PSMD14: variants seen among roughly 807,000 people sequenced by gnomAD.
PSMD14 encodes proteasome 26S subunit, non-ATPase 14.
A neutral mutation model predicts 41.2 loss-of-function variants in PSMD14; 7 were observed. The ratio of observed to expected loss-of-function variants is 0.17; its 90% confidence interval spans 0.10 to 0.32. The LOEUF (loss-of-function observed/expected upper bound fraction) is 0.32, where lower values mean the gene tolerates loss of function less well. Among genes scored for constraint, PSMD14 ranks in the 10% least tolerant of loss-of-function variants. PSMD14 has a pLI of 1.00. For missense variants in PSMD14, 139 were observed against 375.6 expected (o/e 0.37, Z 5.21); for synonymous variants, 114 against 122.3 (o/e 0.93, Z 0.45).
chr2:161,349,472 A>G (rs1051563437), intron 3 of PSMD14, among the ~76,000 whole-genome samples: 1 of 152,194 alleles, frequency 6.6e-6, no homozygotes, highest in African/African-American at 2.4e-5. Flanking sequence ...TTTATTGAGC[A>G]TCTTTTTTGT....
In PSMD14 at chr2:161,317,460, G is replaced by C. The variant is rs141437302; in HGVS notation, c.-5+891G>C. Among the ~76,000 whole-genome samples the C allele has an allele frequency of 1.5e-4, 23 of 152,296 alleles. 1 individual carries two copies. The East Asian group carries it at 4.2e-3, about 28-fold the overall frequency. On this transcript the variant is annotated intron_variant, in intron 2 of 11. Transcript: ENST00000409682. ...TTGAAAGTTGAATTTTACCTTTGCA[G>C]GGTGGAATAGACTGGAAGCGGGGCT...
chr2:161,322,578 T>TG (rs36103526), intron 3 of PSMD14, among the ~76,000 whole-genome samples: 1 of 151,964 alleles, frequency 6.6e-6, no homozygotes, highest in Non-Finnish European at 1.5e-5. Context: ...TTAGTAGAGG[T>TG]GGGGTTTCAC....
chr2:161,356,403 T>C (rs1412990081), intron 3 of PSMD14, among the ~76,000 whole-genome samples: 2 of 152,196 alleles, frequency 1.3e-5, no homozygotes, highest in Admixed American at 6.5e-5. Flanking sequence ...CAATGGTAGT[T>C]AGTTGTATGT....
Position 161,332,588 on chromosome 2 carries a change from G to A in PSMD14, c.48+13715G>A, listed in dbSNP as rs544836728. ...GGTTAGCTGGGATGTTTCCAGACTA[G>A]GGCATCATAAATGGCACTTGAAAAC... On this transcript the variant is annotated intron_variant, in intron 3 of 11. Transcript: ENST00000409682. Among the ~76,000 whole-genome samples the A allele has an allele frequency of 1.9e-4, 29 of 152,284 alleles. No individual in the cohort carries two copies. The South Asian group carries it at 6.0e-3, about 32-fold the overall frequency.
intron 10 of PSMD14, among the ~76,000 whole-genome samples, chr2:161,404,912 A>G (rs989346944): frequency 6.6e-6 from 1 of 152,090 alleles, no homozygotes; most frequent in Non-Finnish European, 1.5e-5. Flanking sequence ...CCTTTCTTTA[A>G]AAGTCTGTTT....
intron 2 of PSMD14, among the ~76,000 whole-genome samples, chr2:161,317,089 T>C (rs1431709471): frequency 2.0e-5 from 3 of 152,176 alleles, no homozygotes; most frequent in Non-Finnish European, 2.9e-5. Context: ...TTTGGTAATA[T>C]ATTCTAGAGA....
At chr2:161,338,622 T>C (rs1195410342) in intron 3 of PSMD14, among the ~76,000 whole-genome samples, 1 of 152,104 alleles carries the variant, frequency 6.6e-6, no homozygotes, top group Non-Finnish European at 1.5e-5. Context: ...TAGGAGTATT[T>C]ATAGGCCTTT....
intron 10 of PSMD14, among the ~76,000 whole-genome samples, chr2:161,397,352 G>T (rs764919694): frequency 1.3e-5 from 2 of 152,178 alleles, no homozygotes; most frequent in African/African-American, 2.4e-5. Flanking sequence ...CATGGCACTG[G>T]TCGGATAGAC....
intron 3 of PSMD14, among the ~76,000 whole-genome samples, chr2:161,333,191 T>C (rs779895235): frequency 5.3e-5 from 8 of 152,264 alleles, no homozygotes; most frequent in Non-Finnish European, 8.8e-5. Flanking sequence ...TTCCTTACTG[T>C]TCCATATCTT....
chr2:161,327,981 T>TGA (rs1553503783), intron 3 of PSMD14, among the ~76,000 whole-genome samples: 40 of 148,912 alleles, frequency 2.7e-4, no homozygotes, highest in African/African-American at 9.4e-4. Context: ...TGTGTGTGTG[T>TGA]GTGAGATGTT....
chr2:161,385,267 CACCTT>C (rs1683619643), intron 7 of PSMD14, 192 bp from the exon 8 acceptor site: 2 of 358,892 alleles, frequency 5.6e-6, no homozygotes. Context: ...TAATTGGTGT[CACCTT>C]ACATTACAAG....
At chr2:161,367,987 T>C in intron 5 of PSMD14, 84 bp downstream of exon 5, 5 of 1,400,126 alleles carry the variant, frequency 3.6e-6, no homozygotes, top group African/African-American at 1.5e-5. Context: ...TCTCATCATA[T>C]TACATTTTCT....
At chr2:161,342,518 G>A (rs1682980451) in intron 3 of PSMD14, among the ~76,000 whole-genome samples, 1 of 151,948 alleles carries the variant, frequency 6.6e-6, no homozygotes, top group African/African-American at 2.4e-5. Context: ...TGCTAATGTG[G>A]TATATCTTTT....
intron 7 of PSMD14, among the ~76,000 whole-genome samples, chr2:161,379,624 T>A (rs1247179787): frequency 6.6e-6 from 1 of 152,052 alleles, no homozygotes; most frequent in African/African-American, 2.4e-5. Context: ...CTTTGTTAAC[T>A]GTATCAGTTT....
chr2:161,311,905 G>A (rs995288883), intron 1 of PSMD14, among the ~76,000 whole-genome samples: 28 of 151,980 alleles, frequency 1.8e-4, no homozygotes, highest in Admixed American at 3.3e-4. Flanking sequence ...GTGAGCCACC[G>A]TGCCCAGCCA....
intron 3 of PSMD14, among the ~76,000 whole-genome samples, chr2:161,337,805 G>C (rs548721027): frequency 3.3e-5 from 5 of 152,272 alleles, no homozygotes; most frequent in African/African-American, 1.2e-4. Flanking sequence ...GGAGATAAGG[G>C]TTCTGGTTCT....
At chr2:161,341,433 G>A in intron 3 of PSMD14, 1 of 409,662 alleles carries the variant, frequency 2.4e-6, no homozygotes, top group South Asian at 1.0e-4. Flanking sequence ...CTGAATAGAA[G>A]TTCTTTATCA....
At position 161,403,910 on chromosome 2, in the gene PSMD14, A is replaced by AT. The variant is rs1000876605; in HGVS notation, c.772-4914dup. Among the ~76,000 whole-genome samples, 401 of 145,212 alleles carry AT rather than the reference A, an allele frequency of 2.8e-3. 1 individual carries two copies. The highest frequency in any genetic ancestry group is 4.8e-3 in the African/African-American group (192 of 39,848). On this transcript the variant is annotated intron_variant, in intron 10 of 11. Coordinates refer to ENST00000409682, the MANE Select transcript of PSMD14 (RefSeq NM_005805.6). ...TTGTTCTTCTATCAAATGAATTTAA[A>AT]TTTTTTTTTTTTTAAGGGACCAGGT...
chr2:161,406,060 T>C, intron 10 of PSMD14, among the ~76,000 whole-genome samples: 1 of 152,086 alleles, frequency 6.6e-6, no homozygotes, highest in East Asian at 1.9e-4. Flanking sequence ...AGAGTGTTAG[T>C]GAAGTGCCAA....
Sources: allele counts gnomAD v4.1 joint callset (sites outside exome capture counted in the v4.1 genomes callset), GRCh38; gene constraint gnomAD v4.1.1; transcripts MANE v1.5; gene names NCBI Gene and HGNC (gene_info 2026-07-23, HGNC 2026-07-21).